The following KAZN variants were observed in gnomAD, a reference collection of about 807,000 sequenced individuals.
KAZN encodes the protein kazrin.
KAZN carries 40 observed loss-of-function variants against 87.4 expected under a neutral mutation model. That is an observed-to-expected ratio of 0.46 (90% CI 0.36 to 0.60). The LOEUF (loss-of-function observed/expected upper bound fraction) is 0.60. Ranked by LOEUF, KAZN falls within the 20% of genes least tolerant of loss-of-function variation. The pLI, the probability that KAZN is intolerant of heterozygous loss-of-function variation, is 0.00. For missense variants in KAZN, 898 were observed against 1,073.9 expected, an observed-to-expected ratio of 0.84 and a Z score of 2.29; for synonymous variants, 466 against 458.3, an observed-to-expected ratio of 1.02 and a Z score of -0.22.
At chr1:14,955,138 C>T (rs1169123045) in intron 1 of KAZN, among the ~76,000 whole-genome samples, 2 of 152,166 alleles carry the variant, frequency 1.3e-5, no homozygotes, top group African/African-American at 2.4e-5. Flanking sequence ...CAAGGTCACA[C>T]AGCAACGTAA....
intron 10 of KAZN, among the ~76,000 whole-genome samples, chr1:15,097,340 T>C (rs1640847996): frequency 6.6e-6 from 1 of 152,036 alleles, no homozygotes; most frequent in South Asian, 2.1e-4. Flanking sequence ...TTCGAGAACA[T>C]TTTCAGCCAT....
At chr1:14,919,920 G>A (rs538492473) in intron 1 of KAZN, among the ~76,000 whole-genome samples, 4 of 152,148 alleles carry the variant, frequency 2.6e-5, no homozygotes, top group African/African-American at 7.2e-5. Context: ...TAGCTATCTC[G>A]TGTAGGTTGG....
chr1:14,117,199 C>T (rs1046341199), intron 1 of KAZN, among the ~76,000 whole-genome samples: 22 of 152,010 alleles, frequency 1.4e-4, no homozygotes, highest in African/African-American at 3.6e-4. Flanking sequence ...TGGGAGGGGC[C>T]GAGGTGGAAT....
At chr1:14,651,715 G>C (rs1638391480) in intron 1 of KAZN, among the ~76,000 whole-genome samples, 1 of 152,200 alleles carries the variant, frequency 6.6e-6, no homozygotes. Flanking sequence ...GAGAATAACT[G>C]CAGGGTCTAA....
exon 1 of KAZN, chr1:13,893,627 C>G: frequency 6.5e-7 from 1 of 1,549,274 alleles, no homozygotes; most frequent in Non-Finnish European, 8.7e-7. Context: ...AGGGTCTGGA[C>G]GCTGCCACAT....
intron 2 of KAZN, among the ~76,000 whole-genome samples, chr1:14,260,847 C>T (rs1490456308): frequency 1.3e-5 from 2 of 152,128 alleles, no homozygotes; most frequent in Non-Finnish European, 2.9e-5. Context: ...GTTAAGTCGC[C>T]GTCACAGGTT....
intron 1 of KAZN, among the ~76,000 whole-genome samples, chr1:13,949,138 C>T (rs987398155): frequency 2.0e-5 from 3 of 152,202 alleles, no homozygotes; most frequent in African/African-American, 4.8e-5. Flanking sequence ...TTCCCCTCTC[C>T]TCTGTACCCA....
chr1:14,413,245 C>G (rs577339737), intron 2 of KAZN, among the ~76,000 whole-genome samples: 63 of 151,674 alleles, frequency 4.2e-4, no homozygotes, highest in African/African-American at 1.5e-3. Flanking sequence ...TTTTTCCATA[C>G]GGAAAATAAT....
At chr1:15,080,544 C>T (rs963537410) in intron 8 of KAZN, among the ~76,000 whole-genome samples, 3 of 152,236 alleles carry the variant, frequency 2.0e-5, no homozygotes, top group African/African-American at 4.8e-5. Context: ...TGGGCTACCA[C>T]AGAAGCCTTT....
At chr1:14,397,935 T>C (rs1663043295) in intron 2 of KAZN, among the ~76,000 whole-genome samples, 1 of 150,826 alleles carries the variant, frequency 6.6e-6, no homozygotes, top group Non-Finnish European at 1.5e-5. Flanking sequence ...AGTCCTTGCC[T>C]GATTCCTCCT....
In KAZN at chr1:14,949,291, C is replaced by CAA. The variant is rs200004513; in HGVS notation, c.227-11386_227-11385dup. Among the ~76,000 whole-genome samples, 8 of 151,284 alleles carry CAA rather than the reference C, an allele frequency of 5.3e-5. No individual in the cohort carries two copies. The highest frequency in any genetic ancestry group is 1.9e-4 in the African/African-American group (8 of 41,062). On this transcript the variant is annotated intron_variant, in intron 1 of 14. Transcript: ENST00000376030. The surrounding 1 kb of genome is among the most constrained non-coding windows in gnomAD (Gnocchi z 4.3). ...CAGTTAATAAATACTAACTTAAAAA[C>CAA]AAAAAAAAGAAAAAGAAAATGTGCT...
chr1:14,938,075 CTA>C (rs972688610), intron 1 of KAZN, among the ~76,000 whole-genome samples: 1 of 152,152 alleles, frequency 6.6e-6, no homozygotes, highest in African/African-American at 2.4e-5. Context: ...ACGTTGGAGT[CTA>C]TGTACCAAGT....
chr1:15,089,691 G>T (rs574969957), intron 8 of KAZN, among the ~76,000 whole-genome samples: 1 of 147,744 alleles, frequency 6.8e-6, no homozygotes, highest in Non-Finnish European at 1.5e-5. Context: ...CAAGCCATAG[G>T]TGCGTCTGGA....
intron 1 of KAZN, among the ~76,000 whole-genome samples, chr1:14,081,087 A>G (rs551008127): frequency 3.3e-5 from 5 of 151,728 alleles, no homozygotes; most frequent in East Asian, 3.9e-4. Context: ...CCATCACTCT[A>G]TGGACACACA....
chr1:14,213,214 C>T (rs1403961428), intron 2 of KAZN, among the ~76,000 whole-genome samples: 1 of 152,086 alleles, frequency 6.6e-6, no homozygotes, highest in Non-Finnish European at 1.5e-5. Context: ...CTTTTGAGAA[C>T]ATCAGGTACA....
At chr1:14,698,157 C>T (rs1261045435) in intron 1 of KAZN, among the ~76,000 whole-genome samples, 6 of 152,196 alleles carry the variant, frequency 3.9e-5, no homozygotes, top group Middle Eastern at 3.2e-3. Flanking sequence ...TTTCCATCTG[C>T]AAAATTAGTG....
intron 1 of KAZN, among the ~76,000 whole-genome samples, chr1:14,790,572 T>A (rs1041041375): frequency 2.0e-5 from 3 of 152,178 alleles, no homozygotes; most frequent in African/African-American, 7.2e-5. Flanking sequence ...GCAAAGGGGC[T>A]TTTTGTTAGC....
chr1:14,827,538 T>C (rs1646929589), intron 1 of KAZN, among the ~76,000 whole-genome samples: 1 of 152,190 alleles, frequency 6.6e-6, no homozygotes, highest in Non-Finnish European at 1.5e-5. Context: ...AGGGATTTTA[T>C]TTGCCTCCCC....
chr1:14,192,034 T>G (rs1160996338), intron 2 of KAZN, among the ~76,000 whole-genome samples: 4 of 152,188 alleles, frequency 2.6e-5, no homozygotes, highest in Admixed American at 6.5e-5. Flanking sequence ...AAGGGAATTT[T>G]TAGCTTTCCA....
Sources: gnomAD v4.1 joint callset for allele counts (sites outside exome capture counted in the v4.1 genomes callset) on GRCh38, gnomAD v4.1.1 for gene constraint, Gnocchi (gnomAD v3.1) non-coding constraint, MANE v1.5 for transcripts, NCBI Gene and HGNC (gene_info 2026-07-23, HGNC 2026-07-21) for gene names.